Variants in DCLK1 observed in about 807,000 individuals in gnomAD.
DCLK1 encodes the protein doublecortin like kinase 1.
A neutral mutation model predicts 86.2 loss-of-function variants in DCLK1; 16 were observed. The observed-to-expected ratio is 0.19, with a 90% CI of 0.13 to 0.28. DCLK1 has a LOEUF of 0.28. DCLK1 is among the 10% of genes least tolerant of loss of function. The probability of loss-of-function intolerance (pLI) is 1.00; values close to 1 mark genes in which losing one functional copy is unlikely to be tolerated. For synonymous variants in DCLK1, 369 were observed against 370.5 expected, an observed-to-expected ratio of 1.00 and a Z score of 0.05; for missense variants, 590 against 940.2, an observed-to-expected ratio of 0.63 and a Z score of 4.87.
At chr13:36,011,351 C>T (rs1881259324) in intron 3 of DCLK1, among the ~76,000 whole-genome samples, 1 of 122,728 alleles carries the variant, frequency 8.1e-6, no homozygotes. Context: ...CCTGCTTTCT[C>T]TTGTGGGCAT....
intron 4 of DCLK1, among the ~76,000 whole-genome samples, chr13:35,873,022 A>G (rs976755926): frequency 2.6e-5 from 4 of 152,192 alleles, no homozygotes; most frequent in South Asian, 2.1e-4. Flanking sequence ...TCATTCCCCT[A>G]TTGATAGAAA....
At chr13:36,020,671 T>A (rs1881738609) in intron 3 of DCLK1, among the ~76,000 whole-genome samples, 2 of 152,130 alleles carry the variant, frequency 1.3e-5, no homozygotes, top group African/African-American at 4.8e-5. Flanking sequence ...GATTAAAATC[T>A]GACTTCTTGT....
At chr13:35,886,640 C>T (rs916051034) in intron 4 of DCLK1, among the ~76,000 whole-genome samples, 12 of 151,980 alleles carry the variant, frequency 7.9e-5, no homozygotes, top group South Asian at 4.2e-4. Flanking sequence ...CTAGGCTGCT[C>T]GTTGAAGAAA....
At chr13:35,832,041 C>A (rs1161987731) in intron 8 of DCLK1, among the ~76,000 whole-genome samples, 1 of 152,068 alleles carries the variant, frequency 6.6e-6, no homozygotes, top group African/African-American at 2.4e-5. Flanking sequence ...ACCTGTCGTC[C>A]CAGCATTTTG....
rs1408450054 is a variant in DCLK1 at position 35,901,813 on chromosome 13, C to G, written c.824-30473G>C. ...CACCAAGGAGGGGACTCACTCACTG[C>G]CAACCACGACTTCCACAGAAAGCTT... On this transcript the variant is annotated intron_variant, in intron 4 of 16. Transcript: ENST00000360631. Among the ~76,000 whole-genome samples, 10 of 152,224 alleles carry G rather than the reference C, an allele frequency of 6.6e-5. 4 individuals are homozygous for G. The highest frequency in any genetic ancestry group is 6.5e-4 in the Admixed American group (10 of 15,290).
intron 3 of DCLK1, among the ~76,000 whole-genome samples, chr13:36,008,200 TTTATTA>T (rs1183033350): frequency 7.2e-5 from 1 of 13,852 alleles, no homozygotes; most frequent in South Asian, 2.0e-3. Context: ...ACAGAGCTAT[TTTATTA>T]TTATTATTAT....
At chr13:35,865,108 C>T (rs1871695853) in intron 5 of DCLK1, among the ~76,000 whole-genome samples, 2 of 152,074 alleles carry the variant, frequency 1.3e-5, no homozygotes, top group African/African-American at 2.4e-5. Flanking sequence ...TTTATTAAAA[C>T]CAAAGTGATG....
At chr13:35,938,563 A>G (rs1876902794) in intron 4 of DCLK1, among the ~76,000 whole-genome samples, 1 of 151,814 alleles carries the variant, frequency 6.6e-6, no homozygotes. Context: ...CGGGAGGCAG[A>G]GGTTTCAGTG....
intron 10 of DCLK1, among the ~76,000 whole-genome samples, chr13:35,824,101 C>A (rs2087463168): frequency 1.3e-5 from 2 of 152,228 alleles, no homozygotes; most frequent in Admixed American, 6.5e-5. Context: ...AGTTCCACCA[C>A]AGGGCATGTG....
intron 8 of DCLK1, among the ~76,000 whole-genome samples, chr13:35,829,678 A>C (rs1868786808): frequency 6.6e-6 from 1 of 152,210 alleles, no homozygotes; most frequent in South Asian, 2.1e-4. Context: ...GGCCTCAAAA[A>C]ACAGTGAACA....
intron 3 of DCLK1, among the ~76,000 whole-genome samples, chr13:35,983,238 G>A (rs1448408009): frequency 6.6e-6 from 1 of 152,162 alleles, no homozygotes; most frequent in Non-Finnish European, 1.5e-5. Context: ...TGATCCTCCT[G>A]CCTCAGCCTC....
intron 3 of DCLK1, among the ~76,000 whole-genome samples, chr13:35,988,613 ATG>A (rs1880058271): frequency 6.6e-6 from 1 of 152,202 alleles, no homozygotes; most frequent in Non-Finnish European, 1.5e-5. Context: ...CTGCATGCAG[ATG>A]GCTTTCTCTG....
At chr13:35,934,632 G>C (rs1403984357) in intron 4 of DCLK1, among the ~76,000 whole-genome samples, 3 of 152,130 alleles carry the variant, frequency 2.0e-5, no homozygotes, top group Non-Finnish European at 4.4e-5. Context: ...CTCTCACTGG[G>C]TCCCTCCCAC....
intron 3 of DCLK1, among the ~76,000 whole-genome samples, chr13:36,108,287 T>C (rs1885476558): frequency 1.3e-5 from 2 of 152,198 alleles, no homozygotes; most frequent in South Asian, 4.1e-4. Flanking sequence ...TGCTCACACA[T>C]AGGCTGCTTA....
At chr13:35,822,954 C>A in intron 10 of DCLK1, 79 bp from the exon 11 acceptor site, 1 of 1,517,534 alleles carries the variant, frequency 6.6e-7, no homozygotes. Context: ...TTGACAAACC[C>A]CAAAGGACAG....
intron 5 of DCLK1, among the ~76,000 whole-genome samples, chr13:35,865,011 G>GGACT (rs1375894829): frequency 1.3e-5 from 2 of 152,020 alleles, no homozygotes; most frequent in African/African-American, 2.4e-5. Flanking sequence ...GTTTTAAGGA[G>GGACT]GACTGCAGCT....
intron 3 of DCLK1, among the ~76,000 whole-genome samples, chr13:36,039,821 CG>C (rs1882638525): frequency 2.0e-5 from 3 of 151,934 alleles, no homozygotes; most frequent in Non-Finnish European, 4.4e-5. Context: ...CACTTTTGAA[CG>C]CAGTGTCTAA....
intron 3 of DCLK1, among the ~76,000 whole-genome samples, chr13:35,980,814 C>CT (rs1001170769): frequency 2.6e-5 from 4 of 151,178 alleles, no homozygotes; most frequent in South Asian, 2.1e-4. Flanking sequence ...AGTACTTCTT[C>CT]TTTTTTTTTA....
intron 3 of DCLK1, among the ~76,000 whole-genome samples, chr13:35,951,205 G>A (rs190645039): frequency 4.0e-5 from 6 of 151,526 alleles, no homozygotes; most frequent in African/African-American, 9.7e-5. Flanking sequence ...GTTGGGACAT[G>A]GTGCCTGATA....
Sources: allele counts gnomAD v4.1 joint callset (sites outside exome capture counted in the v4.1 genomes callset), GRCh38; gene constraint gnomAD v4.1.1; transcripts MANE v1.5; gene names NCBI Gene and HGNC (gene_info 2026-07-23, HGNC 2026-07-21).